Variants in GIGYF2 observed in about 807,000 individuals in gnomAD.
GIGYF2 encodes GRB10 interacting GYF protein 2.
GIGYF2 carries 25 observed loss-of-function variants against 208.1 expected under a neutral mutation model. That is an observed-to-expected ratio of 0.12 (90% CI 0.09 to 0.17). GIGYF2 has a LOEUF of 0.17. GIGYF2 is among the 10% of genes least tolerant of loss of function. The probability of loss-of-function intolerance (pLI) is 1.00; values close to 1 mark genes in which losing one functional copy is unlikely to be tolerated. For synonymous variants in GIGYF2, 534 were observed against 543.8 expected (o/e 0.98, Z 0.25); for missense variants, 1,302 against 1,579.4 (o/e 0.82, Z 2.98).
At chr2:232,700,531 T>C (rs1695796418) in intron 1 of GIGYF2, 1 of 152,232 alleles carries the variant, frequency 6.6e-6, no homozygotes, top group African/African-American at 2.4e-5. Flanking sequence ...AGTTCTCCAT[T>C]AGCTCCTGCT....
chr2:232,757,783 G>A lies in GIGYF2; in HGVS notation c.379+1449G>A, dbSNP rs557038242. On this transcript the variant is annotated intron_variant, in intron 6 of 28. Transcript: ENST00000373563. ...CTCTGAACAGCACCCCCCGCCCCCCGCCATTACTTAATCTAGAAACAAGTG... is the reference window on the plus strand; with the variant it reads ...CTCTGAACAGCACCCCCCGCCCCCCACCATTACTTAATCTAGAAACAAGTG... Among the ~76,000 whole-genome samples the A allele has an allele frequency of 2.5e-4, 26 of 104,358 alleles. 1 individual carries two copies. The highest frequency in any genetic ancestry group is 2.6e-4 in the East Asian group (1 of 3,858). 68.5% of individuals were successfully genotyped at this position (104,358 alleles called of 152,430 possible).
rs138440323 is a variant in GIGYF2 at position 232,816,166 on chromosome 2, A to G, written c.2208+429A>G. Among the ~76,000 whole-genome samples the G allele has an allele frequency of 3.8e-3, 574 of 152,308 alleles. 7 individuals carry two copies. The highest frequency in any genetic ancestry group is 0.014 in the Middle Eastern group (4 of 294). On this transcript the variant is annotated intron_variant, in intron 19 of 28. Coordinates refer to ENST00000373563, the MANE Select transcript of GIGYF2 (RefSeq NM_001103146.3). Reference sequence around the variant, plus strand: ...TCAGACGTAGCAGCCAAAAAGCCCGACATTAACATTAGATTGTGTGTTCCA... The same window carrying G: ...TCAGACGTAGCAGCCAAAAAGCCCGGCATTAACATTAGATTGTGTGTTCCA...
At chr2:232,735,608 T>C in intron 3 of GIGYF2, 1 of 542,436 alleles carries the variant, frequency 1.8e-6, no homozygotes, top group Non-Finnish European at 2.4e-6. Flanking sequence ...TTGCTGTTCA[T>C]AGATTGATTT....
chr2:232,771,659 T>C (rs1699250703), intron 8 of GIGYF2, among the ~76,000 whole-genome samples: 1 of 152,220 alleles, frequency 6.6e-6, no homozygotes, highest in South Asian at 2.1e-4. Flanking sequence ...AGAATTCCTG[T>C]AGGTAGAGAT....
At chr2:232,853,730 A>G (rs4973564) in intron 28 of GIGYF2, among the ~76,000 whole-genome samples, 52,878 of 152,072 alleles carry the variant, frequency 0.35, 9,500 homozygotes, top group Admixed American at 0.41. Context: ...TATGCTCTGA[A>G]CCTCACAGAA....
intron 14 of GIGYF2, among the ~76,000 whole-genome samples, chr2:232,799,027 C>T (rs988895078): frequency 4.6e-5 from 7 of 151,482 alleles, no homozygotes; most frequent in African/African-American, 1.2e-4. Context: ...TTTACTATTC[C>T]GAGCACCTCA....
chr2:232,836,308 A>T (rs1463259440), intron 22 of GIGYF2, among the ~76,000 whole-genome samples: 2,324 of 21,194 alleles, frequency 0.11, 227 homozygotes, highest in Non-Finnish European at 0.17. Flanking sequence ...ATATATATAT[A>T]TATATATATA....
At chr2:232,833,923 C>T in intron 22 of GIGYF2, among the ~76,000 whole-genome samples, 1 of 150,908 alleles carries the variant, frequency 6.6e-6, no homozygotes. Flanking sequence ...TACTGGGAGC[C>T]TAGTAAAGAG....
intron 2 of GIGYF2, among the ~76,000 whole-genome samples, chr2:232,731,568 CTGTT>C (rs1259154130): frequency 1.3e-5 from 2 of 152,194 alleles, no homozygotes; most frequent in Admixed American, 6.5e-5. Flanking sequence ...CTCTTCATCT[CTGTT>C]TGTCATCCAA....
chr2:232,769,647 A>G (rs528702554), intron 8 of GIGYF2, among the ~76,000 whole-genome samples: 68 of 152,156 alleles, frequency 4.5e-4, no homozygotes, highest in Non-Finnish European at 5.6e-4. Flanking sequence ...TTTCAGGTCT[A>G]TCTTCCTTGT....
At chr2:232,723,991 C>T (rs2106277676) in intron 2 of GIGYF2, among the ~76,000 whole-genome samples, 1 of 149,600 alleles carries the variant, frequency 6.7e-6, no homozygotes, top group East Asian at 2.0e-4. Flanking sequence ...GCCTCGGCCT[C>T]CGAAAGTGCT....
intron 2 of GIGYF2, among the ~76,000 whole-genome samples, chr2:232,730,682 A>C (rs1475883659): frequency 6.7e-6 from 1 of 149,298 alleles, no homozygotes; most frequent in Non-Finnish European, 1.5e-5. Context: ...GCGGATCACG[A>C]GGTCAGGAGA....
At chr2:232,811,977 T>C (rs1033149549) in intron 17 of GIGYF2, among the ~76,000 whole-genome samples, 1 of 152,216 alleles carries the variant, frequency 6.6e-6, no homozygotes, top group African/African-American at 2.4e-5. Flanking sequence ...TCTGAGAGGC[T>C]GTAGGACTTG....
At chr2:232,698,908 A>T (rs1481677198) in intron 1 of GIGYF2, among the ~76,000 whole-genome samples, 6 of 152,190 alleles carry the variant, frequency 3.9e-5, no homozygotes, top group African/African-American at 1.2e-4. Flanking sequence ...TCATTTGTTT[A>T]TTCATTCATA....
rs374230023 is a variant in GIGYF2, at chr2:232,855,309, A to G, written c.3833-1484A>G. ...TGCCATGTTGGCCAGTCTGGTCTCT[A>G]ACTCCTGGCCTCAAGTAATCCACCC... On this transcript the variant is annotated intron_variant, in intron 28 of 28. Coordinates refer to ENST00000373563, the MANE Select transcript of GIGYF2 (RefSeq NM_001103146.3). Among the ~76,000 whole-genome samples, 23 of 152,242 alleles carry G rather than the reference A, an allele frequency of 1.5e-4. No individual in the cohort carries two copies. In the South Asian group the frequency reaches 4.6e-3, roughly 30 times the overall value.
intron 14 of GIGYF2, among the ~76,000 whole-genome samples, chr2:232,800,208 A>G (rs779167686): frequency 1.9e-4 from 29 of 151,710 alleles, no homozygotes; most frequent in Middle Eastern, 3.2e-3. Flanking sequence ...ATTGTATCCA[A>G]TGTTATATAA....
At chr2:232,728,844 G>A (rs1697324920) in intron 2 of GIGYF2, among the ~76,000 whole-genome samples, 1 of 152,214 alleles carries the variant, frequency 6.6e-6, no homozygotes, top group African/African-American at 2.4e-5. Flanking sequence ...ACAAAAAACA[G>A]TCTACAGAGG....
chr2:232,785,712 T>C (rs910877941), intron 8 of GIGYF2, among the ~76,000 whole-genome samples: 5 of 152,210 alleles, frequency 3.3e-5, no homozygotes, highest in Admixed American at 3.3e-4. Flanking sequence ...TCCCAAGATA[T>C]TTTATCTTTC....
intron 21 of GIGYF2, among the ~76,000 whole-genome samples, chr2:232,821,843 G>GAT (rs567929439): frequency 1.7e-3 from 251 of 151,562 alleles, no homozygotes; most frequent in African/African-American, 5.9e-3. Flanking sequence ...TTTTCTGTAT[G>GAT]ATATGAGGTA....
Sources: gnomAD v4.1 joint callset for allele counts (sites outside exome capture counted in the v4.1 genomes callset) on GRCh38, gnomAD v4.1.1 for gene constraint, MANE v1.5 for transcripts, NCBI Gene and HGNC (gene_info 2026-07-23, HGNC 2026-07-21) for gene names.